SYDE2: variants seen among roughly 807,000 people sequenced by gnomAD.
The protein encoded by SYDE2 is rho GTPase-activating protein SYDE2.
In SYDE2, 76 loss-of-function variants were observed where a neutral mutation model predicts 91.5. That is an observed-to-expected ratio of 0.83 (90% CI 0.69 to 1.01). The LOEUF (loss-of-function observed/expected upper bound fraction) is 1.01. SYDE2 is among the 50% of genes least tolerant of loss of function. The probability of loss-of-function intolerance (pLI) is 0.00; values close to 1 mark genes in which losing one functional copy is unlikely to be tolerated. For missense variants in SYDE2, 1,364 were observed against 1,367.7 expected, an observed-to-expected ratio of 1.00 and a Z score of 0.04; for synonymous variants, 513 against 506.4, an observed-to-expected ratio of 1.01 and a Z score of -0.18.
rs777228637 is a variant in SYDE2 at position 85,164,545 on chromosome 1, G to A, written c.3066C>T (p.Tyr1022=). The A allele has an allele frequency of 1.9e-6, 3 of 1,599,398 alleles. No homozygotes were observed. ...ATTTACCTGGCCAGAGTTGGAGTAA[G>A]TAATGAAGAACTTCAATGTGTTTTT... ...DFKKHIEVLH[Y]LLQLWPVQRL... Residue 1022 remains tyrosine, a synonymous_variant, in exon 6 of 7, where the codon TAC becomes TAT. Transcript: ENST00000341460.
chr1:85,153,858 A>C (rs1656823012), downstream of SYDE2: 1 of 152,224 alleles, frequency 6.6e-6, no homozygotes, highest in African/African-American at 2.4e-5. Context: ...TTAAGTATGC[A>C]ACCTGATATG....
intron 1 of SYDE2, chr1:85,194,804 C>A: frequency 1.0e-6 from 1 of 982,554 alleles, no homozygotes; most frequent in Non-Finnish European, 1.2e-6. Context: ...TTAACTAGTG[C>A]CCCCAGCTCA....
In SYDE2 at chr1:85,182,635, A is replaced by C; in HGVS notation, c.2007T>G (p.Ser669=). Residue 669 remains serine, a synonymous_variant, in exon 3 of 7, where the codon TCT becomes TCG. Transcript: ENST00000341460. ...DIDAFRHYSF[S]DQPKCSQYIS... Reference sequence around the variant, plus strand: ...TGTACTGTGAACACTTAGGTTGATCAGAAAAGCTATAATGCCTAAAAGCAT... The same window carrying C: ...TGTACTGTGAACACTTAGGTTGATCCGAAAAGCTATAATGCCTAAAAGCAT... The C allele has an allele frequency of 6.2e-7, 1 of 1,613,948 alleles. No individual in the cohort carries two copies. The highest frequency in any genetic ancestry group is 8.5e-7 in the Non-Finnish European group (1 of 1,179,864).
At position 85,159,064 on chromosome 1, in the gene SYDE2, C is replaced by G. The variant is rs377134299; in HGVS notation, c.3271G>C (p.Asp1091His). 1.3e-6 allele frequency: 1 copy of G among 780,774 alleles called. No homozygotes were observed. The highest frequency in any genetic ancestry group is 2.4e-6 in the Non-Finnish European group (1 of 417,988). 48.4% of individuals were successfully genotyped at this position (780,774 alleles called of 1,614,324 possible). ...DSPLSNRYAGDWSSCGENYFL... is the reference protein window; with the variant it reads ...DSPLSNRYAGHWSSCGENYFL... ...TAGTTTTCCCCACAGCTGCTCCAGT[C>G]TCCTGCATAACGATTGCTAAGTGGA... Residue 1091 changes from aspartate to histidine, a missense_variant, in exon 7 of 7, where the codon GAC (aspartate) becomes CAC (histidine). Coordinates refer to ENST00000341460, the MANE Select transcript of SYDE2 (RefSeq NM_032184.2).
Position 85,182,786 on chromosome 1 carries a change from C to T in SYDE2, c.1856G>A (p.Gly619Asp), listed in dbSNP as rs1249341798. ...SMSSKYSCKG[G>D]YLSDGDSPEL... ...AGGTGAGTCTCCATCACTAAGGTAA[C>T]CACCTTTGCAGGAATACTTAGAACT... The change falls in exon 3 of 7, where the codon GGT becomes GAT. Residue 619 changes from glycine (G) to aspartate (D), a missense_variant. Gly to Asp is a moderately conservative substitution (Grantham distance 94). Coordinates refer to ENST00000341460, the MANE Select transcript of SYDE2 (RefSeq NM_032184.2). 1.2e-6 allele frequency: 2 copies of T among 1,613,770 alleles called. No homozygotes were observed. The highest frequency in any genetic ancestry group is 1.3e-5 in the African/African-American group (1 of 74,900).
At chr1:85,180,836 GTTAC>G (rs1197799424) in intron 3 of SYDE2, among the ~76,000 whole-genome samples, 1 of 151,044 alleles carries the variant, frequency 6.6e-6, no homozygotes. Flanking sequence ...TGCCATTTGA[GTTAC>G]TTAATATTCA....
Position 85,169,069 on chromosome 1 carries a change from A to G in SYDE2, c.2828T>C (p.Leu943Pro). The change falls in exon 5 of 7, where the codon CTG becomes CCG. Residue 943 changes from leucine to proline, a missense_variant. By Grantham distance (98) the Leu-to-Pro change is moderately conservative (BLOSUM62 -3). Transcript: ENST00000341460. ...CTTCTCAATCTCTGGCAGACAATCC[A>G]GCAGGTCAACAGTGTACTTAGAGTC... Reference protein sequence around the residue: ...PGDSKYTVDLLDCLPEIEKAT... With the variant: ...PGDSKYTVDLPDCLPEIEKAT... 2 of 1,613,918 alleles carry G rather than the reference A, an allele frequency of 1.2e-6. No homozygotes were observed. The highest frequency in any genetic ancestry group is 1.7e-6 in the Non-Finnish European group (2 of 1,179,830).
chr1:85,159,311 A>G, intron 6 of SYDE2, 62 bp from the exon 7 acceptor site: 2 of 731,956 alleles, frequency 2.7e-6, no homozygotes, highest in Admixed American at 4.3e-5. Context: ...AAAAAAAAAC[A>G]GAGCTAAAGA....
At chr1:85,193,668 G>A (rs1445451007) in intron 1 of SYDE2, among the ~76,000 whole-genome samples, 1 of 152,076 alleles carries the variant, frequency 6.6e-6, no homozygotes, top group Non-Finnish European at 1.5e-5. Context: ...TTGTCACCCA[G>A]GCTGGAGCAC....
chr1:85,168,941 G>A (rs1182267092), intron 5 of SYDE2, 103 bp downstream of exon 5: 5 of 1,034,740 alleles, frequency 4.8e-6, no homozygotes, highest in Admixed American at 4.5e-5. Context: ...TTAAATCCAT[G>A]AGTGCCACAA....
chr1:85,155,773 ATATACAG>A (rs1216202340), downstream of SYDE2, among the ~76,000 whole-genome samples: 6 of 152,326 alleles, frequency 3.9e-5, no homozygotes, highest in South Asian at 2.1e-4. Context: ...TTTAGAATAA[ATATACAG>A]TATACAGTAT....
downstream of SYDE2, among the ~76,000 whole-genome samples, chr1:85,156,326 C>G (rs912552140): frequency 4.0e-5 from 6 of 151,138 alleles, no homozygotes; most frequent in South Asian, 1.3e-3. Context: ...GCGGGTGGAT[C>G]GCTTGAGCCC....
intron 6 of SYDE2, chr1:85,160,784 T>C (rs1469473930): frequency 2.2e-5 from 22 of 985,316 alleles, no homozygotes; most frequent in Non-Finnish European, 2.4e-5. Context: ...CCATGTATTT[T>C]TGCTTTATGT....
At chr1:85,189,445 A>C (rs1658274366) in intron 2 of SYDE2, among the ~76,000 whole-genome samples, 1 of 152,224 alleles carries the variant, frequency 6.6e-6, no homozygotes, top group Non-Finnish European at 1.5e-5. Context: ...AATAAGACTT[A>C]CTTTTTCTTC....
At chr1:85,163,720 C>G (rs1302226478) in intron 6 of SYDE2, among the ~76,000 whole-genome samples, 1 of 151,492 alleles carries the variant, frequency 6.6e-6, no homozygotes, top group Non-Finnish European at 1.5e-5. Context: ...TACTAGTGTG[C>G]TCTACACTAA....
At position 85,182,618 on chromosome 1, in the gene SYDE2, G is replaced by A. The variant is rs768669708; in HGVS notation, c.2024C>T (p.Ser675Leu). The A allele has an allele frequency of 2.8e-5, 45 of 1,613,778 alleles. No homozygotes were observed. Among genetic ancestry groups the A allele is most frequent in the Non-Finnish European group, 3.6e-5 (42 of 1,179,866 alleles). The change falls in exon 3 of 7, where the codon TCA becomes TTA. Residue 675 changes from serine (S) to leucine (L), a missense_variant. Physicochemically the swap from Ser to Leu is moderately radical, Grantham distance 145. Transcript: ENST00000341460. ...ACTCATGAGCCCAGATATGTACTGT[G>A]AACACTTAGGTTGATCAGAAAAGCT... ...HYSFSDQPKC[S>L]QYISGLMSVH...
At chr1:85,160,976 A>G in intron 6 of SYDE2, 1 of 981,108 alleles carries the variant, frequency 1.0e-6, no homozygotes, top group Non-Finnish European at 1.2e-6. Flanking sequence ...TAGACTAAAA[A>G]TTTCAATTTC....
intron 1 of SYDE2, 96 bp downstream of exon 1, chr1:85,200,156 G>T (rs1658759435): frequency 6.3e-7 from 1 of 1,577,206 alleles, no homozygotes; most frequent in African/African-American, 1.4e-5. Flanking sequence ...CGTACCTGTC[G>T]CAAAAACATA....
intron 6 of SYDE2, 82 bp downstream of exon 6, chr1:85,164,444 T>A (rs921134769): frequency 2.0e-6 from 2 of 1,007,974 alleles, no homozygotes; most frequent in Non-Finnish European, 2.7e-6. Context: ...GTTTCTTCAA[T>A]CATATATGAG....
Sources: gnomAD v4.1 joint callset for allele counts (sites outside exome capture counted in the v4.1 genomes callset) on GRCh38, gnomAD v4.1.1 for gene constraint, MANE v1.5 for transcripts, NCBI Gene and HGNC (gene_info 2026-07-23, HGNC 2026-07-21) for gene names.